Variants in GALNT13 observed in about 807,000 individuals in gnomAD.
GALNT13 encodes the protein polypeptide N-acetylgalactosaminyltransferase 13, also known as UDP-GalNAc:polypeptide N-acetylgalactosaminyltransferase 13.
A neutral mutation model predicts 64.2 loss-of-function variants in GALNT13; 28 were observed. The ratio of observed to expected loss-of-function variants is 0.44; its 90% CI spans 0.32 to 0.60. GALNT13 has a LOEUF of 0.60. Ranked by LOEUF, GALNT13 falls within the 20% of genes least tolerant of loss-of-function variation. The probability of loss-of-function intolerance (pLI) is 0.05; values close to 1 mark genes in which losing one functional copy is unlikely to be tolerated. For synonymous variants in GALNT13, 214 were observed against 224.6 expected (o/e 0.95, Z 0.42); for missense variants, 577 against 669.8 (o/e 0.86, Z 1.53).
In GALNT13 at chr2:153,892,100, A is replaced by G. The variant is rs145355321; in HGVS notation, c.-176-8836A>G. 3.5e-4 allele frequency among the ~76,000 whole-genome samples: 53 copies of G among 152,150 alleles called. No individual in the cohort carries two copies. In the East Asian group the frequency reaches 9.9e-3, roughly 28 times the overall value. On this transcript the variant is annotated intron_variant, in intron 1 of 12. Transcript: ENST00000392825. The stretch of plus-strand genomic sequence containing the variant: ...AACCTTGTTCCTATTGCTGTTGCTA[A>G]CTTTCAACCTGTTATCATAGTGGTG...
the GALNT13 span, among the ~76,000 whole-genome samples, chr2:153,744,727 G>T: frequency 6.6e-6 from 1 of 152,106 alleles, no homozygotes; most frequent in East Asian, 1.9e-4. Context: ...TCTCACTAGA[G>T]TTGTCATATG....
intron 3 of GALNT13, among the ~76,000 whole-genome samples, chr2:154,110,832 C>A (rs2105489485): frequency 6.6e-6 from 1 of 152,186 alleles, no homozygotes; most frequent in East Asian, 1.9e-4. Flanking sequence ...ATACACATCT[C>A]CTGAGGTTAT....
the GALNT13 span, among the ~76,000 whole-genome samples, chr2:153,501,167 C>T: frequency 2.0e-5 from 3 of 151,924 alleles, no homozygotes; most frequent in Non-Finnish European, 2.9e-5. Context: ...TCCAGATTAC[C>T]GTAAGTCATT....
intron 9 of GALNT13, among the ~76,000 whole-genome samples, chr2:154,311,742 T>G (rs530709989): frequency 6.6e-6 from 1 of 152,262 alleles, no homozygotes; most frequent in South Asian, 2.1e-4. Flanking sequence ...ATCTCGACCA[T>G]AAGAGACAGG....
the GALNT13 span, among the ~76,000 whole-genome samples, chr2:153,858,269 C>T: frequency 2.0e-5 from 3 of 152,232 alleles, no homozygotes; most frequent in South Asian, 6.2e-4. Flanking sequence ...TGATAACTAG[C>T]ATGGAGGCCA....
intron 3 of GALNT13, among the ~76,000 whole-genome samples, chr2:153,964,355 A>G (rs1693174872): frequency 6.6e-6 from 1 of 152,218 alleles, no homozygotes; most frequent in Non-Finnish European, 1.5e-5. Flanking sequence ...AGCCTGAGGC[A>G]CAAGAATCAC....
chr2:153,199,580 C>T, the GALNT13 span, among the ~76,000 whole-genome samples: 1 of 152,158 alleles, frequency 6.6e-6, no homozygotes, highest in African/African-American at 2.4e-5. Flanking sequence ...CTTGCCTGTC[C>T]TTACTGTGGT....
intron 3 of GALNT13, among the ~76,000 whole-genome samples, chr2:153,963,472 A>G (rs1422895233): frequency 6.6e-6 from 1 of 152,154 alleles, no homozygotes; most frequent in Non-Finnish European, 1.5e-5. Flanking sequence ...TGCCAAGTGT[A>G]TGTTTAATTT....
At chr2:153,473,361 A>G in the GALNT13 span, among the ~76,000 whole-genome samples, 1 of 152,156 alleles carries the variant, frequency 6.6e-6, no homozygotes, top group Non-Finnish European at 1.5e-5. Flanking sequence ...TGATAATAAT[A>G]TTATATAATT....
At chr2:153,201,393 A>G in the GALNT13 span, among the ~76,000 whole-genome samples, 2 of 152,220 alleles carry the variant, frequency 1.3e-5, no homozygotes, top group Non-Finnish European at 2.9e-5. Context: ...TAAACAATAG[A>G]TTGATCTGCA....
At position 153,982,728 on chromosome 2, in the gene GALNT13, C is replaced by A. The variant is rs999813345; in HGVS notation, c.142+38089C>A. Among the ~76,000 whole-genome samples the A allele has an allele frequency of 4.6e-5, 7 of 151,926 alleles. 1 individual carries two copies. The East Asian group carries it at 1.2e-3, about 25-fold the overall frequency. ...GATGTTTGGAGACATGTTCAATAAT[C>A]TTGAGCAAACATAATACTTCATTTT... is the stretch of plus-strand genomic sequence containing the variant. On this transcript the variant is annotated intron_variant, in intron 3 of 12. Coordinates refer to ENST00000392825, the MANE Select transcript of GALNT13 (RefSeq NM_052917.4).
intron 12 of GALNT13, among the ~76,000 whole-genome samples, chr2:154,447,020 T>A (rs1701619679): frequency 6.6e-6 from 1 of 151,690 alleles, no homozygotes. Context: ...TATGCATAAA[T>A]ATACTTGATG....
At chr2:153,747,646 T>C in the GALNT13 span, among the ~76,000 whole-genome samples, 1 of 151,948 alleles carries the variant, frequency 6.6e-6, no homozygotes, top group Non-Finnish European at 1.5e-5. Context: ...CAGGCTGATC[T>C]TGAACTCCTG....
At chr2:153,880,223 T>G (rs528098103) in intron 1 of GALNT13, among the ~76,000 whole-genome samples, 2 of 152,256 alleles carry the variant, frequency 1.3e-5, no homozygotes, top group African/African-American at 4.8e-5. Context: ...TTTTGTAAGC[T>G]TTGTATAAGA....
At chr2:153,744,047 T>A in the GALNT13 span, among the ~76,000 whole-genome samples, 2 of 152,142 alleles carry the variant, frequency 1.3e-5, no homozygotes, top group African/African-American at 4.8e-5. Context: ...CCATTATGTA[T>A]ATGTACAATT....
chr2:154,149,409 G>A (rs1000524178), intron 4 of GALNT13, among the ~76,000 whole-genome samples: 26 of 151,698 alleles, frequency 1.7e-4, no homozygotes, highest in Non-Finnish European at 7.4e-5. Context: ...TTGGTGGTGC[G>A]GGCTCTTTTT....
the GALNT13 span, among the ~76,000 whole-genome samples, chr2:153,584,519 AT>A: frequency 2.6e-5 from 4 of 152,204 alleles, no homozygotes; most frequent in Admixed American, 2.0e-4. Flanking sequence ...GGAAAGCCTC[AT>A]GACCACTACT....
At chr2:153,836,993 C>A in the GALNT13 span, among the ~76,000 whole-genome samples, 7 of 151,798 alleles carry the variant, frequency 4.6e-5, no homozygotes, top group South Asian at 1.2e-3. Flanking sequence ...TTTATAGCAG[C>A]ATGACTTATA....
intron 4 of GALNT13, among the ~76,000 whole-genome samples, chr2:154,237,160 G>T (rs921567637): frequency 3.3e-5 from 5 of 151,856 alleles, no homozygotes; most frequent in Admixed American, 3.3e-4. Context: ...CTTTGAATTA[G>T]CCAACTTTGA....
Sources: gnomAD v4.1 joint callset for allele counts (sites outside exome capture counted in the v4.1 genomes callset) on GRCh38, gnomAD v4.1.1 for gene constraint, MANE v1.5 for transcripts, NCBI Gene and HGNC (gene_info 2026-07-23, HGNC 2026-07-21) for gene names.